PGBD5: variants seen among roughly 807,000 people sequenced by gnomAD.
PGBD5 encodes the protein piggyBac transposable element derived 5, also known as piggyBac transposable element-derived protein 5.
A neutral mutation model predicts 47.9 loss-of-function variants in PGBD5; 14 were observed. The observed-to-expected ratio is 0.29, with a 90% CI of 0.19 to 0.46. The LOEUF is 0.46. Ranked by LOEUF, PGBD5 falls within the 20% of genes least tolerant of loss-of-function variation. The pLI is 1.00. For missense variants in PGBD5, 635 were observed against 716.0 expected (o/e 0.89, Z 1.29); for synonymous variants, 316 against 306.3 (o/e 1.03, Z -0.33).
Position 230,325,387 on chromosome 1 carries a change from C to A in PGBD5, c.1302G>T (p.Glu434Asp). 1.9e-6 allele frequency: 3 copies of A among 1,613,634 alleles called. No individual in the cohort carries two copies. In the South Asian group the frequency reaches 3.3e-5, roughly 18 times the overall value. ...CCTCCACGGCCAAGGGGCATGGGAT[C>A]TCCCCACTCTTCCTTTTGATGATGA... The part of the protein sequence containing the change: ...QGVIIKRKSG[E>D]IPCPLAVEAF... The change falls in exon 6 of 7, where the codon GAG (glutamate) becomes GAT (aspartate). Residue 434 changes from glutamate (E) to aspartate (D), a missense_variant. Coordinates refer to ENST00000391860, the MANE Select transcript of PGBD5 (RefSeq NM_001258311.2).
chr1:230,343,283 G>C (rs917928737), intron 3 of PGBD5, among the ~76,000 whole-genome samples: 2 of 152,200 alleles, frequency 1.3e-5, no homozygotes, highest in East Asian at 3.8e-4. Context: ...ACAGGTTGGA[G>C]GAGGGACATG....
intron 1 of PGBD5, chr1:230,377,554 AGC>A: frequency 6.2e-7 from 1 of 1,610,810 alleles, no homozygotes; most frequent in Non-Finnish European, 8.5e-7. Flanking sequence ...GAGCAACTGC[AGC>A]TCAGGTCCTG....
At chr1:230,372,727 A>T (rs1238938538) in intron 1 of PGBD5, among the ~76,000 whole-genome samples, 6 of 152,124 alleles carry the variant, frequency 3.9e-5, no homozygotes, top group African/African-American at 1.4e-4. Context: ...TACTCTACTC[A>T]CCCTCGTCGC....
chr1:230,320,764 G>C lies in PGBD5; in HGVS notation c.*2661C>G, dbSNP rs1161327426. 1 of 152,196 alleles carries C rather than the reference G, an allele frequency of 6.6e-6. No individual in the cohort carries two copies. Among genetic ancestry groups the C allele is most frequent in the Non-Finnish European group, 1.5e-5 (1 of 68,048 alleles). 9.4% of individuals were successfully genotyped at this position (152,196 alleles called of 1,614,324 possible). On this transcript the variant is annotated 3_prime_UTR_variant, in exon 7 of 7. Transcript: ENST00000391860. ...TAGAGTCACTCCAAAAAGCCACTTT[G>C]AATCACATCTCTAAGGCAAGGTCCA...
intron 3 of PGBD5, among the ~76,000 whole-genome samples, chr1:230,345,334 A>G (rs904531587): frequency 1.3e-5 from 2 of 152,184 alleles, no homozygotes; most frequent in African/African-American, 4.8e-5. Context: ...TCTTGGATTG[A>G]GGAACTCCAA....
At chr1:230,337,473 G>A (rs896242186) in intron 3 of PGBD5, among the ~76,000 whole-genome samples, 185 bp from the exon 4 acceptor site, 19 of 152,266 alleles carry the variant, frequency 1.2e-4, no homozygotes, top group African/African-American at 4.1e-4. Context: ...TGGCCTTGGC[G>A]ATTGGTGACT....
intron 1 of PGBD5, among the ~76,000 whole-genome samples, chr1:230,412,001 C>T (rs967014806): frequency 1.3e-5 from 2 of 152,098 alleles, no homozygotes; most frequent in Admixed American, 6.5e-5. Context: ...AACTCTCCCC[C>T]CAAAAAGAAA....
chr1:230,387,941 G>A (rs1018115053), intron 1 of PGBD5, among the ~76,000 whole-genome samples: 2 of 152,140 alleles, frequency 1.3e-5, no homozygotes, highest in Admixed American at 1.3e-4. Flanking sequence ...CAGCAAAGGA[G>A]GGGCTGTGTA....
chr1:230,387,830 G>C lies in PGBD5; in HGVS notation c.332-30509C>G, dbSNP rs543917778. On this transcript the variant is annotated intron_variant, in intron 1 of 6. Transcript: ENST00000391860. ...CGGGCCTGCAATTGCATTCCAAAAG[G>C]TAAGGAGGTATCGGCCAAGCAGATC... Among the ~76,000 whole-genome samples the C allele has an allele frequency of 9.2e-4, 138 of 150,682 alleles. 1 individual carries two copies. Among genetic ancestry groups the C allele is most frequent in the Non-Finnish European group, 1.8e-3 (121 of 67,108 alleles).
intron 2 of PGBD5, among the ~76,000 whole-genome samples, chr1:230,353,209 A>G (rs1469049828): frequency 3.2e-4 from 48 of 152,098 alleles, no homozygotes; most frequent in Non-Finnish European, 2.4e-4. Context: ...CAGGCTACAC[A>G]TGGGTCAGCA....
intron 1 of PGBD5, chr1:230,367,976 C>T (rs1324892392): frequency 5.1e-6 from 7 of 1,367,786 alleles, no homozygotes; most frequent in South Asian, 2.3e-5. Flanking sequence ...GTCCTGCAAG[C>T]TGGACACCAA....
intron 1 of PGBD5, among the ~76,000 whole-genome samples, chr1:230,380,373 T>A (rs956359120): frequency 7.2e-5 from 11 of 152,244 alleles, no homozygotes; most frequent in Non-Finnish European, 1.6e-4. Context: ...CACAGGGCGC[T>A]CTGCCTCCCT....
rs533151755 is a variant in PGBD5 at position 230,344,273 on chromosome 1, A to C, written c.894+6685T>G. 2.0e-5 allele frequency among the ~76,000 whole-genome samples: 3 copies of C among 151,990 alleles called. 1 individual carries two copies. The highest frequency in any genetic ancestry group is 2.0e-4 in the Admixed American group (3 of 15,278). Reference sequence around the variant, plus strand: ...ACACTCCAGCCTGGGCAACAGAGGGAGACTCCGTCTCCAAAAAAAAAAAAG... The same window carrying C: ...ACACTCCAGCCTGGGCAACAGAGGGCGACTCCGTCTCCAAAAAAAAAAAAG... On this transcript the variant is annotated intron_variant, in intron 3 of 6. Coordinates refer to ENST00000391860, the MANE Select transcript of PGBD5 (RefSeq NM_001258311.2).
intron 6 of PGBD5, among the ~76,000 whole-genome samples, chr1:230,325,065 A>G (rs1317561887): frequency 6.6e-6 from 1 of 152,234 alleles, no homozygotes; most frequent in Non-Finnish European, 1.5e-5. Flanking sequence ...CTCTGGGCAC[A>G]GGGAATGTGA....
chr1:230,402,700 C>T (rs1657171460), intron 1 of PGBD5, among the ~76,000 whole-genome samples: 1 of 152,158 alleles, frequency 6.6e-6, no homozygotes, highest in Admixed American at 6.5e-5. Context: ...GTTGCCCAGG[C>T]TGGTCTCAAA....
Position 230,413,211 on chromosome 1 carries a change from A to G in PGBD5, c.331+12387T>C, listed in dbSNP as rs369050276. On this transcript the variant is annotated intron_variant, in intron 1 of 6. Coordinates refer to ENST00000391860, the MANE Select transcript of PGBD5 (RefSeq NM_001258311.2). ...ACTCCCTAATGGAAATATGAATCAGACTACTGGTGGCATGCCGCTCAGAAC... is the reference window on the plus strand; with the variant it reads ...ACTCCCTAATGGAAATATGAATCAGGCTACTGGTGGCATGCCGCTCAGAAC... Among the ~76,000 whole-genome samples, 25 of 152,302 alleles carry G rather than the reference A, an allele frequency of 1.6e-4. No homozygotes were observed. The East Asian group carries it at 4.4e-3, about 27-fold the overall frequency.
chr1:230,362,260 C>A, intron 1 of PGBD5: 2 of 1,363,886 alleles, frequency 1.5e-6, no homozygotes, highest in Non-Finnish European at 2.0e-6. Flanking sequence ...GCTTCCTCTA[C>A]CAGCTCCTTC....
chr1:230,424,105 T>A (rs1178920156), intron 1 of PGBD5, among the ~76,000 whole-genome samples: 7 of 152,202 alleles, frequency 4.6e-5, no homozygotes, highest in Non-Finnish European at 1.0e-4. Context: ...TGCTGTGCAG[T>A]CCCAGGTGGA....
At position 230,315,765 on chromosome 1, in the gene PGBD5, AT is replaced by A. The variant is rs1420224322; in HGVS notation, c.*7659del. ...TATGTGTATATATACACATACATAT[AT>A]TATAGATGTATGCATATATGTATAT... On this transcript the variant is annotated 3_prime_UTR_variant, in exon 7 of 7. Coordinates refer to ENST00000391860, the MANE Select transcript of PGBD5 (RefSeq NM_001258311.2). 1.6e-4 allele frequency: 17 copies of A among 108,456 alleles called. No individual in the cohort carries two copies. Among genetic ancestry groups the A allele is most frequent in the African/African-American group, 3.0e-4 (10 of 33,710 alleles). The allele number at this position is 108,456 out of a possible 1,614,324, so 6.7% of individuals were successfully genotyped here. A position where few individuals can be genotyped will look rare whatever the true frequency, so the allele number is the denominator to read the frequency against.
Sources: allele counts gnomAD v4.1 joint callset (sites outside exome capture counted in the v4.1 genomes callset), GRCh38; gene constraint gnomAD v4.1.1; transcripts MANE v1.5; gene names NCBI Gene and HGNC (gene_info 2026-07-23, HGNC 2026-07-21).